KCNIP4: variants seen among roughly 807,000 people sequenced by gnomAD.
KCNIP4 encodes Kv channel-interacting protein 4.
In KCNIP4, 12 loss-of-function variants were observed where a neutral mutation model predicts 34.0. That is an observed-to-expected ratio of 0.35 (90% CI 0.23 to 0.57). KCNIP4 has a LOEUF of 0.57. KCNIP4 is among the 20% of genes least tolerant of loss of function. KCNIP4 has a pLI of 0.83. For missense variants in KCNIP4, 238 were observed against 311.7 expected (o/e 0.76, Z 1.78); for synonymous variants, 124 against 102.2 (o/e 1.21, Z -1.29).
chr4:21,250,745 C>A (rs55943106), intron 1 of KCNIP4, among the ~76,000 whole-genome samples: 12,265 of 151,926 alleles, frequency 0.081, 570 homozygotes, highest in South Asian at 0.21. Context: ...ACATAGTCAA[C>A]AACTACCCTA....
At chr4:21,409,328 G>A (rs903447719) in intron 1 of KCNIP4, among the ~76,000 whole-genome samples, 3 of 151,780 alleles carry the variant, frequency 2.0e-5, no homozygotes, top group African/African-American at 2.4e-5. Flanking sequence ...ATGTTTCCCA[G>A]GTTGGTCTCA....
intron 1 of KCNIP4, among the ~76,000 whole-genome samples, chr4:21,177,682 C>T (rs1430164017): frequency 2.7e-5 from 4 of 148,978 alleles, no homozygotes; most frequent in Non-Finnish European, 5.9e-5. Flanking sequence ...AACAAACAAA[C>T]AAAAACAAAC....
chr4:21,660,818 A>G (rs897813485), intron 1 of KCNIP4, among the ~76,000 whole-genome samples: 1 of 152,180 alleles, frequency 6.6e-6, no homozygotes, highest in African/African-American at 2.4e-5. Context: ...TCATTTATGT[A>G]GCAATTTCAC....
At chr4:21,537,196 A>G (rs916655053) in intron 1 of KCNIP4, among the ~76,000 whole-genome samples, 12 of 152,218 alleles carry the variant, frequency 7.9e-5, no homozygotes, top group Non-Finnish European at 1.5e-4. Flanking sequence ...TTGATTTCTC[A>G]GACTCTACAG....
intron 3 of KCNIP4, among the ~76,000 whole-genome samples, chr4:20,818,210 C>A (rs983938144): frequency 2.0e-5 from 3 of 152,020 alleles, no homozygotes; most frequent in Non-Finnish European, 4.4e-5. Flanking sequence ...TCTCCAATAC[C>A]AAATAGCTAA....
intron 1 of KCNIP4, among the ~76,000 whole-genome samples, chr4:21,379,746 T>C (rs1416396495): frequency 6.6e-6 from 1 of 152,194 alleles, no homozygotes; most frequent in African/African-American, 2.4e-5. Context: ...CCACCCGCCA[T>C]AACTGTTTTT....
chr4:21,729,848 ACTTGT>A lies in KCNIP4; in HGVS notation c.61+218718_61+218722del, dbSNP rs1444794487. 9 of 152,296 alleles carry A rather than the reference ACTTGT, an allele frequency of 5.9e-5. No individual in the cohort carries two copies. The South Asian group carries it at 1.9e-3, about 32-fold the overall frequency. The allele number at this position is 152,296 out of a possible 1,614,324, so 9.4% of individuals were successfully genotyped here. ...TTTATAATATATGGCACATTACAAA[ACTTGT>A]CTTGTTTGGAAAGTATTTAATGCAT... is the stretch of plus-strand genomic sequence containing the variant. On this transcript the variant is annotated intron_variant, in intron 1 of 8. Transcript: ENST00000382152.
intron 1 of KCNIP4, among the ~76,000 whole-genome samples, chr4:21,886,048 A>G (rs1344492773): frequency 6.6e-6 from 1 of 152,084 alleles, no homozygotes; most frequent in Non-Finnish European, 1.5e-5. Flanking sequence ...TCTTACTATT[A>G]TATAATATGT....
chr4:20,910,283 A>G (rs961234772), intron 1 of KCNIP4, among the ~76,000 whole-genome samples: 10 of 149,810 alleles, frequency 6.7e-5, no homozygotes, highest in African/African-American at 2.2e-4. Context: ...GTGTGTCTGT[A>G]TGTGTGTGTG....
At chr4:20,786,576 A>G (rs1193946379) in intron 3 of KCNIP4, among the ~76,000 whole-genome samples, 5 of 152,204 alleles carry the variant, frequency 3.3e-5, no homozygotes, top group African/African-American at 1.2e-4. Flanking sequence ...AAACTTTATC[A>G]GAAAAAGAAG....
chr4:21,389,850 A>T (rs1357071812), intron 1 of KCNIP4, among the ~76,000 whole-genome samples: 1 of 152,098 alleles, frequency 6.6e-6, no homozygotes, highest in Admixed American at 6.6e-5. Context: ...TGGTATTTCT[A>T]GTTTTAGATC....
At chr4:21,541,061 C>T (rs142657159) in intron 1 of KCNIP4, among the ~76,000 whole-genome samples, 9,568 of 151,712 alleles carry the variant, frequency 0.063, 476 homozygotes, top group South Asian at 0.21. Flanking sequence ...ATCCCAGCTA[C>T]TTGGGAGGCT....
At chr4:21,901,817 G>A (rs889711949) in intron 1 of KCNIP4, among the ~76,000 whole-genome samples, 6 of 152,006 alleles carry the variant, frequency 3.9e-5, no homozygotes, top group African/African-American at 1.2e-4. Context: ...ATATAAAAAT[G>A]CAAATTGATG....
intron 1 of KCNIP4, among the ~76,000 whole-genome samples, chr4:20,883,795 G>T (rs1724979905): frequency 6.6e-6 from 1 of 152,160 alleles, no homozygotes; most frequent in South Asian, 2.1e-4. Flanking sequence ...GTATCCACTG[G>T]CTAAAACTCA....
intron 1 of KCNIP4, among the ~76,000 whole-genome samples, chr4:21,671,845 A>C (rs1390623104): frequency 6.6e-6 from 1 of 151,942 alleles, no homozygotes; most frequent in Non-Finnish European, 1.5e-5. Context: ...TTAGATACCC[A>C]AAAAATTGAA....
At chr4:21,798,917 A>G (rs1267048355) in intron 1 of KCNIP4, among the ~76,000 whole-genome samples, 2 of 152,182 alleles carry the variant, frequency 1.3e-5, no homozygotes, top group Non-Finnish European at 2.9e-5. Context: ...TCACCCATAT[A>G]TAATAAAATT....
chr4:21,027,388 C>G (rs974541338), intron 1 of KCNIP4, among the ~76,000 whole-genome samples: 1 of 151,838 alleles, frequency 6.6e-6, no homozygotes, highest in Non-Finnish European at 1.5e-5. Flanking sequence ...CTTCGTCACC[C>G]CTGGGTTAAA....
intron 1 of KCNIP4, among the ~76,000 whole-genome samples, chr4:21,226,237 G>C: frequency 9.9e-6 from 1 of 100,556 alleles, no homozygotes; most frequent in East Asian, 3.4e-4. Context: ...CATAGGGGGA[G>C]GGAGGGGGGG....
chr4:20,821,847 T>G lies in KCNIP4; in HGVS notation c.288+28696A>C, dbSNP rs192113409. On this transcript the variant is annotated intron_variant, in intron 3 of 8. Coordinates refer to ENST00000382152, the MANE Select transcript of KCNIP4 (RefSeq NM_025221.6). The stretch of plus-strand genomic sequence containing the variant: ...TAGGGCTGAGTAGTATTTCATGGTG[T>G]GTGTGTATGTGTGTGTGTGTGTGTA... 2.7e-4 allele frequency among the ~76,000 whole-genome samples: 40 copies of G among 150,924 alleles called. No individual in the cohort carries two copies. The East Asian group carries it at 7.9e-3, about 30-fold the overall frequency.
Sources: allele counts gnomAD v4.1 joint callset (sites outside exome capture counted in the v4.1 genomes callset), GRCh38; gene constraint gnomAD v4.1.1; transcripts MANE v1.5; gene names NCBI Gene and HGNC (gene_info 2026-07-23, HGNC 2026-07-21).